Variants in ROBO2 observed in about 807,000 individuals in gnomAD.
ROBO2 encodes the protein roundabout homolog 2.
A neutral mutation model predicts 160.8 loss-of-function variants in ROBO2; 53 were observed. The observed-to-expected ratio is 0.33, with a 90% CI of 0.26 to 0.41. The LOEUF (loss-of-function observed/expected upper bound fraction) is 0.41, where lower values mean the gene tolerates loss of function less well. Among genes scored for constraint, ROBO2 ranks in the 10% least tolerant of loss-of-function variants. The pLI, the probability that ROBO2 is intolerant of heterozygous loss-of-function variation, is 1.00. For synonymous variants in ROBO2, 664 were observed against 611.7 expected (o/e 1.09, Z -1.26); for missense variants, 1,577 against 1,722.4 (o/e 0.92, Z 1.49).
intron 2 of ROBO2, among the ~76,000 whole-genome samples, chr3:75,989,770 G>A (rs1262870288): frequency 6.6e-6 from 1 of 152,184 alleles, no homozygotes; most frequent in Non-Finnish European, 1.5e-5. Flanking sequence ...TATAAGAGGG[G>A]CTGCAGATAG....
At chr3:76,702,537 CAG>C (rs1261208530) in intron 2 of ROBO2, among the ~76,000 whole-genome samples, 8 of 110,634 alleles carry the variant, frequency 7.2e-5, no homozygotes, top group African/African-American at 3.5e-4. Context: ...GACAGAGAGA[CAG>C]AGAGAAATAG....
intron 2 of ROBO2, among the ~76,000 whole-genome samples, chr3:76,634,331 G>T (rs1339413521): frequency 1.3e-5 from 2 of 152,180 alleles, no homozygotes; most frequent in Admixed American, 1.3e-4. Context: ...ACTTTGGGAA[G>T]CCGAGGCAGG....
chr3:76,042,571 T>G lies in ROBO2; in HGVS notation c.109+104969T>G, dbSNP rs145377655. Among the ~76,000 whole-genome samples the G allele has an allele frequency of 1.7e-3, 256 of 152,098 alleles. 5 individuals are homozygous for G. The highest frequency in any genetic ancestry group is 6.0e-3 in the African/African-American group (247 of 41,368). ...AGGGAAGAGAGACCCTCTCATATTG[T>G]TTTATATTGTTTTATACTCAGTACC... On this transcript the variant is annotated intron_variant, in intron 2 of 26. Coordinates refer to the ROBO2 transcript ENST00000487694.
chr3:77,054,514 T>A (rs1203486713), intron 1 of ROBO2, among the ~76,000 whole-genome samples: 2 of 152,082 alleles, frequency 1.3e-5, no homozygotes, highest in African/African-American at 4.8e-5. Context: ...TCAGATGAAG[T>A]GTGTCGCATT....
intron 2 of ROBO2, among the ~76,000 whole-genome samples, chr3:76,894,606 T>G (rs2074621191): frequency 1.3e-5 from 2 of 152,146 alleles, no homozygotes; most frequent in Admixed American, 1.3e-4. Flanking sequence ...AGGAAATATT[T>G]TATGACTTGT....
At chr3:77,049,845 A>T (rs1305895566) in intron 1 of ROBO2, among the ~76,000 whole-genome samples, 1 of 152,182 alleles carries the variant, frequency 6.6e-6, no homozygotes, top group Non-Finnish European at 1.5e-5. Context: ...TTGAAACCAG[A>T]CTGGAATTTA....
At chr3:76,838,267 G>A (rs1178877905) in intron 2 of ROBO2, among the ~76,000 whole-genome samples, 4 of 152,028 alleles carry the variant, frequency 2.6e-5, no homozygotes, top group Non-Finnish European at 5.9e-5. Context: ...GAGCAGAAAA[G>A]TTAACCATTG....
chr3:77,006,074 A>G (rs2061560961), intron 2 of ROBO2, among the ~76,000 whole-genome samples: 2 of 151,970 alleles, frequency 1.3e-5, no homozygotes, highest in South Asian at 2.1e-4. Context: ...TTTAGCTACC[A>G]GTTAATCTTT....
intron 2 of ROBO2, among the ~76,000 whole-genome samples, chr3:76,245,223 G>T (rs1215059170): frequency 6.6e-6 from 1 of 152,156 alleles, no homozygotes. Flanking sequence ...ATAAGTATTT[G>T]TAATGCTTCA....
intron 2 of ROBO2, among the ~76,000 whole-genome samples, chr3:76,982,731 A>G (rs570307102): frequency 1.3e-5 from 2 of 152,216 alleles, no homozygotes; most frequent in African/African-American, 2.4e-5. Flanking sequence ...AATATCTCAA[A>G]TATAATTTTT....
At chr3:76,838,470 C>T (rs1304723246) in intron 2 of ROBO2, among the ~76,000 whole-genome samples, 1 of 151,994 alleles carries the variant, frequency 6.6e-6, no homozygotes, top group East Asian at 1.9e-4. Context: ...AAATTACAAA[C>T]AAGTCTCGCA....
rs376117892 is a variant in ROBO2 at position 77,453,518 on chromosome 3, A to C, written c.389-23896A>C. 5.9e-5 allele frequency among the ~76,000 whole-genome samples: 9 copies of C among 152,100 alleles called. No individual in the cohort carries two copies. In the East Asian group the frequency reaches 1.2e-3, roughly 20 times the overall value. ...TAAGGGTTAAAAGGAATTGTAGATA[A>C]TCTACTCTGATTTCCTCAATTTACA... On this transcript the variant is annotated intron_variant, in intron 2 of 25. Coordinates refer to ENST00000461745, the Ensembl canonical transcript of ROBO2.
chr3:76,125,628 G>C (rs1161831364), intron 2 of ROBO2, among the ~76,000 whole-genome samples: 1 of 151,434 alleles, frequency 6.6e-6, no homozygotes, highest in African/African-American at 2.4e-5. Context: ...TCACATGTTT[G>C]TTGGCCACAC....
chr3:77,350,766 C>T (rs376975756), intron 2 of ROBO2, among the ~76,000 whole-genome samples: 2 of 152,102 alleles, frequency 1.3e-5, no homozygotes, highest in Admixed American at 6.6e-5. Flanking sequence ...GGGCACTTGT[C>T]GTTAAGGTCA....
chr3:76,062,282 C>T (rs1005458013), intron 2 of ROBO2, among the ~76,000 whole-genome samples: 3 of 151,800 alleles, frequency 2.0e-5, no homozygotes, highest in South Asian at 4.2e-4. Flanking sequence ...CAAAACAGCA[C>T]GTCTAAAATA....
intron 2 of ROBO2, among the ~76,000 whole-genome samples, chr3:76,107,808 T>C (rs1363657223): frequency 1.3e-5 from 2 of 152,088 alleles, no homozygotes; most frequent in Non-Finnish European, 2.9e-5. Context: ...ATTTTTCTTA[T>C]TTTTCCCACA....
intron 2 of ROBO2, among the ~76,000 whole-genome samples, chr3:76,303,108 A>T (rs1036641003): frequency 2.0e-5 from 3 of 152,162 alleles, no homozygotes; most frequent in Admixed American, 6.5e-5. Context: ...CCAAGAAAAT[A>T]TCTCAGATGA....
Position 76,846,629 on chromosome 3 carries a change from TTTC to T in ROBO2, c.110-251379_110-251377del, listed in dbSNP as rs144377119. ...GGCTAGAAGTGGTTTTTAAAAGACT[TTTC>T]TTCTTTTATTTTTACCGATTTACTG... is the stretch of plus-strand genomic sequence containing the variant. On this transcript the variant is annotated intron_variant, in intron 2 of 26. Transcript: ENST00000487694. 8.4e-3 allele frequency among the ~76,000 whole-genome samples: 1,279 copies of T among 152,240 alleles called. 13 individuals carry two copies. Among genetic ancestry groups the T allele is most frequent in the African/African-American group, 0.03 (1,240 of 41,542 alleles).
At chr3:76,640,592 TGTGA>T (rs56946838) in intron 2 of ROBO2, among the ~76,000 whole-genome samples, 6,109 of 83,822 alleles carry the variant, frequency 0.073, 176 homozygotes, top group African/African-American at 0.12. Context: ...CGTGTTTGCG[TGTGA>T]GTGTGTGTGT....
Sources: allele counts gnomAD v4.1 joint callset (sites outside exome capture counted in the v4.1 genomes callset), GRCh38; gene constraint gnomAD v4.1.1; transcripts MANE v1.5; gene names NCBI Gene and HGNC (gene_info 2026-07-23, HGNC 2026-07-21).